Variants in SLC5A8 observed in about 807,000 individuals in gnomAD.
SLC5A8 encodes sodium-coupled monocarboxylate transporter 1.
A neutral mutation model predicts 71.9 loss-of-function variants in SLC5A8; 55 were observed. That is an observed-to-expected ratio of 0.77 (90% confidence interval 0.62 to 0.96). The LOEUF (loss-of-function observed/expected upper bound fraction) is 0.96. SLC5A8 is among the 40% of genes least tolerant of loss of function. SLC5A8 has a pLI of 0.00. For synonymous variants in SLC5A8, 307 were observed against 276.1 expected, an observed-to-expected ratio of 1.11 and a Z score of -1.11; for missense variants, 701 against 745.3, an observed-to-expected ratio of 0.94 and a Z score of 0.69.
At chr12:101,165,840 AG>A (rs2137124974) in intron 12 of SLC5A8, among the ~76,000 whole-genome samples, 1 of 152,306 alleles carries the variant, frequency 6.6e-6, no homozygotes, top group South Asian at 2.1e-4. Flanking sequence ...ACGTATTCAC[AG>A]GGTTTGTGCT....
rs1869044528 is a variant in SLC5A8, at chr12:101,193,908, ACAGT to A, written c.538-133_538-130del. ...TGGCTAAGAAGTGCACTCAAGGGAAACAGTCAGGTTGGGAGAATCTTCATACAGA... is the reference window on the plus strand; with the variant it reads ...TGGCTAAGAAGTGCACTCAAGGGAAACAGGTTGGGAGAATCTTCATACAGA... On this transcript the variant is annotated intron_variant, in intron 4 of 14. Coordinates refer to ENST00000536262, the MANE Select transcript of SLC5A8 (RefSeq NM_145913.5). The A allele has an allele frequency of 4.4e-6, 4 of 901,878 alleles. No homozygotes were observed. In the South Asian group the frequency reaches 7.9e-5, roughly 18 times the overall value. The allele number at this position is 901,878 out of a possible 1,614,324, so 55.9% of individuals were successfully genotyped here.
In SLC5A8 at chr12:101,175,608, AC is replaced by A. The variant is rs151109882; in HGVS notation, c.1233+4420del. 3.6e-3 allele frequency among the ~76,000 whole-genome samples: 551 copies of A among 152,200 alleles called. 6 individuals carry two copies. The highest frequency in any genetic ancestry group is 0.013 in the African/African-American group (527 of 41,564). On this transcript the variant is annotated intron_variant, in intron 10 of 14. Transcript: ENST00000536262. Reference sequence around the variant, plus strand: ...TAAACTTCTGAAAACTAAAGAAAAAACAAAACAAAACAAAACAAAAAAACCT... The same window carrying A: ...TAAACTTCTGAAAACTAAAGAAAAAAAAAACAAAACAAAACAAAAAAACCT...
At chr12:101,187,549 C>T in intron 6 of SLC5A8, 34 bp from the exon 7 acceptor site, 12 of 1,581,938 alleles carry the variant, frequency 7.6e-6, no homozygotes, top group Non-Finnish European at 1.0e-5. Flanking sequence ...CAAAAGACAA[C>T]TGTAATTTCT....
At chr12:101,198,469 T>G (rs571436539) in intron 3 of SLC5A8, among the ~76,000 whole-genome samples, 1 of 152,090 alleles carries the variant, frequency 6.6e-6, no homozygotes, top group African/African-American at 2.4e-5. Flanking sequence ...ATAGATACTA[T>G]AAACATTAAA....
chr12:101,207,921 A>C (rs1365147568), intron 1 of SLC5A8, among the ~76,000 whole-genome samples: 1 of 152,186 alleles, frequency 6.6e-6, no homozygotes, highest in Non-Finnish European at 1.5e-5. Context: ...AACAGTAACC[A>C]TGAAAACACA....
intron 10 of SLC5A8, among the ~76,000 whole-genome samples, chr12:101,175,573 A>G (rs1164326450): frequency 1.3e-5 from 2 of 152,062 alleles, no homozygotes; most frequent in Non-Finnish European, 2.9e-5. Context: ...ACACCAAGAT[A>G]CATCATAATT....
intron 13 of SLC5A8, among the ~76,000 whole-genome samples, chr12:101,158,620 A>C (rs1406344407): frequency 8.6e-5 from 11 of 128,100 alleles, no homozygotes; most frequent in Admixed American, 1.7e-4. Context: ...ATATATATAT[A>C]TATATATATA....
At chr12:101,173,373 C>T (rs376507707) in intron 10 of SLC5A8, among the ~76,000 whole-genome samples, 1 of 152,170 alleles carries the variant, frequency 6.6e-6, no homozygotes, top group South Asian at 2.1e-4. Flanking sequence ...GACACACTTC[C>T]TCATCTCAGC....
At chr12:101,186,899 G>T (rs1868666181) in intron 7 of SLC5A8, among the ~76,000 whole-genome samples, 1 of 152,138 alleles carries the variant, frequency 6.6e-6, no homozygotes, top group South Asian at 2.1e-4. Flanking sequence ...AGAATTAAAT[G>T]AAGCATGTTA....
At chr12:101,183,984 C>T (rs1461182314) in intron 8 of SLC5A8, 150 bp downstream of exon 8, 2 of 688,336 alleles carry the variant, frequency 2.9e-6, no homozygotes, top group African/African-American at 3.6e-5. Flanking sequence ...AGAGATAAGT[C>T]AGACCACAGA....
intron 8 of SLC5A8, among the ~76,000 whole-genome samples, 193 bp from the exon 9 acceptor site, chr12:101,183,108 T>G (rs1029366566): frequency 7.5e-6 from 1 of 132,596 alleles, no homozygotes; most frequent in Non-Finnish European, 1.5e-5. Context: ...TGCAATGGCA[T>G]GATCTCGACT....
chr12:101,163,841 G>A (rs545972333), intron 12 of SLC5A8, among the ~76,000 whole-genome samples: 3 of 152,278 alleles, frequency 2.0e-5, no homozygotes, highest in East Asian at 1.9e-4. Flanking sequence ...GGTTAACATC[G>A]TTTTCATCGC....
At chr12:101,167,877 G>A (rs538546592) in intron 11 of SLC5A8, among the ~76,000 whole-genome samples, 2 of 152,246 alleles carry the variant, frequency 1.3e-5, no homozygotes, top group South Asian at 4.1e-4. Flanking sequence ...ATTTAAAATT[G>A]CCCTATATGG....
intron 3 of SLC5A8, among the ~76,000 whole-genome samples, chr12:101,195,695 C>CTTTT (rs11338261): frequency 4.1e-5 from 4 of 97,448 alleles, no homozygotes; most frequent in Non-Finnish European, 7.6e-5. Context: ...ATGGTAATTC[C>CTTTT]TTTTTTTTTT....
chr12:101,182,938 T>A, intron 8 of SLC5A8, 23 bp from the exon 9 acceptor site: 1 of 1,361,654 alleles, frequency 7.3e-7, no homozygotes, highest in Non-Finnish European at 9.9e-7. Flanking sequence ...ATAAAACTTT[T>A]GATTTATAAT....
chr12:101,207,469 G>T (rs1869721977), intron 1 of SLC5A8, among the ~76,000 whole-genome samples: 1 of 152,306 alleles, frequency 6.6e-6, no homozygotes, highest in South Asian at 2.1e-4. Context: ...AGCATTCAAT[G>T]AACTTTTGCT....
intron 11 of SLC5A8, among the ~76,000 whole-genome samples, chr12:101,167,581 C>T (rs1365511133): frequency 6.6e-6 from 1 of 152,166 alleles, no homozygotes; most frequent in African/African-American, 2.4e-5. Context: ...AGAGATATTA[C>T]GTCTTTCTGG....
chr12:101,175,850 C>G (rs915494085), intron 10 of SLC5A8, among the ~76,000 whole-genome samples: 1 of 151,846 alleles, frequency 6.6e-6, no homozygotes, highest in Non-Finnish European at 1.5e-5. Flanking sequence ...TGAAGGAACA[C>G]TAAAAGAATG....
intron 12 of SLC5A8, 77 bp from the exon 13 acceptor site, chr12:101,162,154 T>C (rs2051729618): frequency 1.1e-6 from 1 of 899,998 alleles, no homozygotes; most frequent in Non-Finnish European, 1.8e-6. Flanking sequence ...GTGATTCCCA[T>C]GGCAAGGTCA....
Sources: gnomAD v4.1 joint callset for allele counts (sites outside exome capture counted in the v4.1 genomes callset) on GRCh38, gnomAD v4.1.1 for gene constraint, MANE v1.5 for transcripts, NCBI Gene and HGNC (gene_info 2026-07-23, HGNC 2026-07-21) for gene names.